CACNG5: variants seen among roughly 807,000 people sequenced by gnomAD.
The protein encoded by CACNG5 is calcium voltage-gated channel auxiliary subunit gamma 5.
CACNG5 carries 18 observed loss-of-function variants against 24.8 expected under a neutral mutation model. The observed-to-expected ratio is 0.73, with a 90% CI of 0.50 to 1.08. CACNG5 has a LOEUF of 1.08. Among genes scored for constraint, CACNG5 ranks in the 50% least tolerant of loss-of-function variants. The probability of loss-of-function intolerance (pLI) is 0.00; values close to 1 mark genes in which losing one functional copy is unlikely to be tolerated. For synonymous variants in CACNG5, 157 were observed against 149.1 expected, an observed-to-expected ratio of 1.05 and a Z score of -0.39; for missense variants, 349 against 367.9, an observed-to-expected ratio of 0.95 and a Z score of 0.42.
At position 66,882,933 on chromosome 17, in the gene CACNG5, CTCCTTCCA is replaced by C. The variant is rs1300396337; in HGVS notation, c.425-1579_425-1572del. On this transcript the variant is annotated intron_variant, in intron 4 of 5. Coordinates refer to ENST00000533854, the MANE Select transcript of CACNG5 (RefSeq NM_145811.3). ...GATGTCCAAGAGCCACTCTTTCTTT[CTCCTTCCA>C]TCCATCCATCCATCCATCCATCCAT... 1.8e-4 allele frequency among the ~76,000 whole-genome samples: 23 copies of C among 130,972 alleles called. No individual in the cohort carries two copies. In the South Asian group the frequency reaches 5.6e-3, roughly 32 times the overall value. The allele number at this position is 130,972 out of a possible 152,430, so 85.9% of individuals were successfully genotyped here. A position where few individuals can be genotyped will look rare whatever the true frequency, so the allele number is the denominator to read the frequency against.
At chr17:66,862,892 C>CTCTGTGTGTGTGTGTG (rs567913804) in intron 1 of CACNG5, among the ~76,000 whole-genome samples, 2 of 142,260 alleles carry the variant, frequency 1.4e-5, no homozygotes, top group South Asian at 2.4e-4. Flanking sequence ...AGCATATTCT[C>CTCTGTGTGTGTGTGTG]TGTGTGTGTG....
At chr17:66,862,461 G>A (rs1017996141) in intron 1 of CACNG5, among the ~76,000 whole-genome samples, 5 of 151,908 alleles carry the variant, frequency 3.3e-5, no homozygotes, top group African/African-American at 1.2e-4. Flanking sequence ...GTGCACATAG[G>A]CACATGTGTG....
In CACNG5 at chr17:66,872,988, C is replaced by T. The variant is rs76339975; in HGVS notation, c.-103-4242C>T. 8.9e-3 allele frequency among the ~76,000 whole-genome samples: 1,352 copies of T among 152,248 alleles called. 11 individuals carry two copies. Among genetic ancestry groups the T allele is most frequent in the Non-Finnish European group, 0.013 (880 of 68,024 alleles). Reference sequence around the variant, plus strand: ...CTTTGAGCCCATATTTCTTCAGTAGCGAGATGATGTAGTCCAAGCATAGAC... The same window carrying T: ...CTTTGAGCCCATATTTCTTCAGTAGTGAGATGATGTAGTCCAAGCATAGAC... On this transcript the variant is annotated intron_variant, in intron 1 of 5. Coordinates refer to ENST00000533854, the MANE Select transcript of CACNG5 (RefSeq NM_145811.3).
At chr17:66,835,854 G>A (rs892141853) in intron 1 of CACNG5, among the ~76,000 whole-genome samples, 2 of 152,110 alleles carry the variant, frequency 1.3e-5, no homozygotes, top group Non-Finnish European at 2.9e-5. Context: ...CCCACCGCAG[G>A]TGCTGGGCGT....
At chr17:66,860,485 G>A (rs1234417360) in intron 1 of CACNG5, among the ~76,000 whole-genome samples, 1 of 151,568 alleles carries the variant, frequency 6.6e-6, no homozygotes, top group Non-Finnish European at 1.5e-5. Flanking sequence ...CAGTGGGTCC[G>A]TCTATTTAAA....
chr17:66,866,952 T>G (rs759954895), intron 1 of CACNG5, among the ~76,000 whole-genome samples: 3 of 152,226 alleles, frequency 2.0e-5, no homozygotes, highest in Non-Finnish European at 4.4e-5. Context: ...ATCTTTATAA[T>G]AGAATGATTT....
intron 1 of CACNG5, among the ~76,000 whole-genome samples, chr17:66,859,394 G>A (rs75572374): frequency 0.11 from 17,251 of 152,064 alleles, 1,088 homozygotes; most frequent in Middle Eastern, 0.17. Flanking sequence ...GGAGAGGTTT[G>A]GGTATGTGTC....
Position 66,885,095 on chromosome 17 carries a change from CA to C in CACNG5, c.684del (p.Gly229AlafsTer26). The C allele has an allele frequency of 6.2e-7, 1 of 1,614,210 alleles. No homozygotes were observed. The highest frequency in any genetic ancestry group is 1.1e-5 in the South Asian group (1 of 91,088). The part of the protein sequence containing the change: ...RPRLSNCSDY[S>X]GQFLHPDAWV... ...CGGCTGAGCAACTGCTCCGATTACT[CA>C]GGCCAGTTCCTACACCCAGACGCCT... On this transcript the variant is annotated frameshift_variant, in exon 6 of 6. Transcript: ENST00000533854. LOFTEE classifies it high-confidence loss of function.
chr17:66,857,986 G>A (rs1976804517), intron 1 of CACNG5, among the ~76,000 whole-genome samples: 1 of 152,192 alleles, frequency 6.6e-6, no homozygotes, highest in Non-Finnish European at 1.5e-5. Context: ...GTTTGGGGTT[G>A]GGTTCTATCC....
At chr17:66,874,766 C>T (rs1977052349) in intron 1 of CACNG5, among the ~76,000 whole-genome samples, 1 of 152,172 alleles carries the variant, frequency 6.6e-6, no homozygotes, top group South Asian at 2.1e-4. Flanking sequence ...CCCAAGCTTA[C>T]ATGGATCTTT....
At chr17:66,861,366 A>T (rs1213601470) in intron 1 of CACNG5, among the ~76,000 whole-genome samples, 1 of 152,276 alleles carries the variant, frequency 6.6e-6, no homozygotes, top group African/African-American at 2.4e-5. Flanking sequence ...AGCTTGTTAC[A>T]TGTGTTACCT....
chr17:66,871,577 T>G (rs1359338955), intron 1 of CACNG5, among the ~76,000 whole-genome samples: 1 of 152,158 alleles, frequency 6.6e-6, no homozygotes, highest in Non-Finnish European at 1.5e-5. Context: ...ACAAGACATT[T>G]CTCCCTAATT....
chr17:66,876,996 TGAA>T (rs1977086482), intron 1 of CACNG5, among the ~76,000 whole-genome samples: 2 of 152,004 alleles, frequency 1.3e-5, no homozygotes, highest in African/African-American at 4.8e-5. Flanking sequence ...AATGAATGAA[TGAA>T]TGAATGAATG....
intron 1 of CACNG5, among the ~76,000 whole-genome samples, chr17:66,841,426 T>C (rs1372490124): frequency 6.6e-6 from 1 of 152,206 alleles, no homozygotes; most frequent in Non-Finnish European, 1.5e-5. Flanking sequence ...TTTATTTTCC[T>C]TTCCCAGCCC....
At position 66,885,295 on chromosome 17, in the gene CACNG5, T is replaced by G; in HGVS notation, c.*55T>G. On this transcript the variant is annotated 3_prime_UTR_variant, in exon 6 of 6. Coordinates refer to ENST00000533854, the MANE Select transcript of CACNG5 (RefSeq NM_145811.3). Reference sequence around the variant, plus strand: ...GGTGGCCAGACAACCCTTCCTGTTCTCTCCAGGTGACCCCTGAGCCCCAGG... The same window carrying G: ...GGTGGCCAGACAACCCTTCCTGTTCGCTCCAGGTGACCCCTGAGCCCCAGG... 6.6e-7 allele frequency: 1 copy of G among 1,515,920 alleles called. No homozygotes were observed. The highest frequency in any genetic ancestry group is 8.8e-7 in the Non-Finnish European group (1 of 1,139,636). The allele number at this position is 1,515,920 out of a possible 1,614,324, so 93.9% of individuals were successfully genotyped here.
chr17:66,884,438 A>C, intron 4 of CACNG5, 78 bp from the exon 5 acceptor site: 1 of 1,474,314 alleles, frequency 6.8e-7, no homozygotes, highest in African/African-American at 1.4e-5. Flanking sequence ...CCTGAATTGC[A>C]AAGGGAGGTG....
chr17:66,881,945 G>A (rs778082866), intron 4 of CACNG5, among the ~76,000 whole-genome samples: 2 of 152,146 alleles, frequency 1.3e-5, no homozygotes, highest in Admixed American at 6.5e-5. Flanking sequence ...ATCTGAGGTC[G>A]TCTTATGGAT....
chr17:66,875,518 C>T (rs1341746450), intron 1 of CACNG5, among the ~76,000 whole-genome samples: 1 of 152,200 alleles, frequency 6.6e-6, no homozygotes, highest in East Asian at 1.9e-4. Context: ...GTGCACCCCT[C>T]AACCCCTTCT....
intron 3 of CACNG5, among the ~76,000 whole-genome samples, chr17:66,879,795 T>C (rs903083139): frequency 1.3e-5 from 2 of 152,206 alleles, no homozygotes; most frequent in South Asian, 4.1e-4. Context: ...AGAGTTTTTA[T>C]TGGGGTTCAT....
Sources: allele counts gnomAD v4.1 joint callset (sites outside exome capture counted in the v4.1 genomes callset), GRCh38; gene constraint gnomAD v4.1.1; transcripts MANE v1.5; gene names NCBI Gene and HGNC (gene_info 2026-07-23, HGNC 2026-07-21).